The following KIAA0319L variants were observed in gnomAD, a reference collection of about 807,000 sequenced individuals.
KIAA0319L encodes KIAA0319 like, also known as dyslexia-associated protein KIAA0319-like protein.
KIAA0319L carries 55 observed loss-of-function variants against 120.1 expected under a neutral mutation model. That is an observed-to-expected ratio of 0.46 (90% CI 0.37 to 0.57). KIAA0319L has a LOEUF of 0.57. Ranked by LOEUF, KIAA0319L falls within the 20% of genes least tolerant of loss-of-function variation. The pLI is 0.00. For missense variants in KIAA0319L, 1,049 were observed against 1,255.3 expected (o/e 0.84, Z 2.48); for synonymous variants, 398 against 471.9 (o/e 0.84, Z 2.03).
intron 3 of KIAA0319L, among the ~76,000 whole-genome samples, chr1:35,485,604 C>G (rs1644358277): frequency 6.6e-6 from 1 of 152,168 alleles, no homozygotes; most frequent in Non-Finnish European, 1.5e-5. Flanking sequence ...CTCTTATTTT[C>G]AAGATCTTCC....
chr1:35,487,892 T>C (rs1391972025), intron 3 of KIAA0319L, among the ~76,000 whole-genome samples: 2 of 152,186 alleles, frequency 1.3e-5, no homozygotes, highest in Admixed American at 6.5e-5. Flanking sequence ...CATGCAGGTG[T>C]AGTTTAGAGG....
intron 2 of KIAA0319L, among the ~76,000 whole-genome samples, chr1:35,524,486 T>C (rs1449660873): frequency 6.6e-6 from 1 of 152,198 alleles, no homozygotes; most frequent in Non-Finnish European, 1.5e-5. Context: ...GTGAACATGT[T>C]CAATGAGGGA....
intron 1 of KIAA0319L, chr1:35,554,923 CT>C (rs760598517): frequency 1.9e-5 from 3 of 154,156 alleles, no homozygotes; most frequent in Non-Finnish European, 2.9e-5. Flanking sequence ...AGGTTGCACC[CT>C]CAGAGGTAAA....
chr1:35,474,163 C>G (rs1217759593), intron 5 of KIAA0319L, among the ~76,000 whole-genome samples: 2 of 152,028 alleles, frequency 1.3e-5, no homozygotes, highest in Admixed American at 1.3e-4. Context: ...TAGGATATAA[C>G]CCGGGTATGC....
chr1:35,448,919 A>G lies in KIAA0319L; in HGVS notation c.2354-587T>C, dbSNP rs936758796. ...AGCTGCACTATCTTTGTATAACTCT[A>G]AAACGGTGAGGCTATCATGTTTTAC... On this transcript the variant is annotated intron_variant, in intron 15 of 20. Transcript: ENST00000325722. 5.3e-5 allele frequency among the ~76,000 whole-genome samples: 8 copies of G among 152,250 alleles called. No individual in the cohort carries two copies. In the East Asian group the frequency reaches 1.5e-3, roughly 29 times the overall value.
At chr1:35,473,306 C>T (rs1380862952) in intron 5 of KIAA0319L, among the ~76,000 whole-genome samples, 1 of 151,734 alleles carries the variant, frequency 6.6e-6, no homozygotes, top group Admixed American at 6.6e-5. Context: ...CCACGTTGGC[C>T]AGGCTGGTCT....
At chr1:35,450,137 A>C (rs965617140) in intron 14 of KIAA0319L, 132 bp from the exon 15 acceptor site, 4 of 1,152,824 alleles carry the variant, frequency 3.5e-6, no homozygotes, top group African/African-American at 1.5e-5. Flanking sequence ...CCTGATACGG[A>C]ACAGCATTGC....
chr1:35,514,451 A>G lies in KIAA0319L; in HGVS notation c.143-7316T>C, dbSNP rs146198287. Among the ~76,000 whole-genome samples, 82 of 152,112 alleles carry G rather than the reference A, an allele frequency of 5.4e-4. 1 individual carries two copies. The East Asian group carries it at 0.015, about 28-fold the overall frequency. On this transcript the variant is annotated intron_variant, in intron 2 of 20. Transcript: ENST00000325722. ...GCAACCTGGATAAAAAACAAGACCC[A>G]ATGGCATTCTGTCTTCTCACTTCTC...
chr1:35,468,863 C>T (rs2149121117), intron 6 of KIAA0319L, among the ~76,000 whole-genome samples: 1 of 152,300 alleles, frequency 6.6e-6, no homozygotes, highest in Middle Eastern at 3.4e-3. Context: ...CATTTAATAC[C>T]TTTGTGAACT....
Position 35,451,754 on chromosome 1 carries a change from C to T in KIAA0319L, c.1936G>A (p.Glu646Lys), listed in dbSNP as rs748599916. 2.4e-5 allele frequency: 39 copies of T among 1,614,006 alleles called. No individual in the cohort carries two copies. Among genetic ancestry groups the T allele is most frequent in the South Asian group, 2.3e-4 (21 of 91,088 alleles). Reference sequence around the variant, plus strand: ...GTAGCAACACTGCTGTTAGCATTCTCGAGCTGCACCCCATCAGGTCCCCTG... The same window carrying T: ...GTAGCAACACTGCTGTTAGCATTCTTGAGCTGCACCCCATCAGGTCCCCTG... ...KTQGPDGVQL[E>K]NANSSVATVT... Residue 646 changes from glutamate (E) to lysine (K), a missense_variant, in exon 13 of 21, where the codon GAG becomes AAG. Transcript: ENST00000325722.
intron 3 of KIAA0319L, among the ~76,000 whole-genome samples, chr1:35,486,379 A>G (rs1446445757): frequency 8.2e-6 from 1 of 121,894 alleles, no homozygotes; most frequent in African/African-American, 3.7e-5. Context: ...GTCTCAAGAA[A>G]AAAAAAAAAA....
At position 35,455,497 on chromosome 1, in the gene KIAA0319L, T is replaced by C. The variant is rs114196342; in HGVS notation, c.1656+516A>G. Among the ~76,000 whole-genome samples the C allele has an allele frequency of 8.4e-3, 1,283 of 152,136 alleles. 22 individuals are homozygous for C. Among genetic ancestry groups the C allele is most frequent in the African/African-American group, 0.029 (1,224 of 41,498 alleles). On this transcript the variant is annotated intron_variant, in intron 10 of 20. Coordinates refer to ENST00000325722, the MANE Select transcript of KIAA0319L (RefSeq NM_024874.5). ...GATTTGCACCCTTGTAGCTTCTAAATAGTTTGACTCTCTGGAGTCATCCAG... is the reference window on the plus strand; with the variant it reads ...GATTTGCACCCTTGTAGCTTCTAAACAGTTTGACTCTCTGGAGTCATCCAG...
chr1:35,536,022 T>C (rs1646560856), intron 2 of KIAA0319L, among the ~76,000 whole-genome samples: 1 of 152,220 alleles, frequency 6.6e-6, no homozygotes, highest in African/African-American at 2.4e-5. Flanking sequence ...AGCTCCAATA[T>C]GGAATATCTT....
intron 8 of KIAA0319L, among the ~76,000 whole-genome samples, chr1:35,461,509 A>C (rs926197376): frequency 1.8e-4 from 28 of 152,340 alleles, no homozygotes; most frequent in African/African-American, 6.3e-4. Flanking sequence ...AACAAGCATC[A>C]CACATAACAG....
chr1:35,507,006 T>G lies in KIAA0319L; in HGVS notation c.272A>C (p.Gln91Pro), dbSNP rs1645231628. The G allele has an allele frequency of 6.2e-7, 1 of 1,612,936 alleles. No homozygotes were observed. The highest frequency in any genetic ancestry group is 1.3e-5 in the African/African-American group (1 of 74,930). The change falls in exon 3 of 21, where the codon CAG (glutamine) becomes CCG (proline). Residue 91 changes from glutamine to proline, a missense_variant. Gln to Pro is a moderately conservative substitution (Grantham distance 76, BLOSUM62 -1). Coordinates refer to ENST00000325722, the MANE Select transcript of KIAA0319L (RefSeq NM_024874.5). ...CCAAAAGACATGGCAGGCAGAGTCC[T>G]GGCAGCAGGCAGCCCAACATGACTG... Reference protein sequence around the residue: ...SLQSCWAACCQDSACHVFWWL... With the variant: ...SLQSCWAACCPDSACHVFWWL...
intron 2 of KIAA0319L, among the ~76,000 whole-genome samples, chr1:35,525,368 A>G (rs996656397): frequency 3.3e-5 from 5 of 152,212 alleles, no homozygotes; most frequent in Non-Finnish European, 5.9e-5. Context: ...AATACCCAGT[A>G]GTGGGACTGC....
At chr1:35,501,213 T>C (rs1195630128) in intron 3 of KIAA0319L, among the ~76,000 whole-genome samples, 1 of 152,214 alleles carries the variant, frequency 6.6e-6, no homozygotes, top group African/African-American at 2.4e-5. Flanking sequence ...AGGATCTTCC[T>C]TCCAGCATAC....
At chr1:35,450,283 T>A in intron 14 of KIAA0319L, 75 bp downstream of exon 14, 1 of 1,453,990 alleles carries the variant, frequency 6.9e-7, no homozygotes, top group Non-Finnish European at 9.4e-7. Flanking sequence ...ACCACTTGAT[T>A]AAAGCATATA....
At chr1:35,531,514 G>A (rs955642890) in intron 2 of KIAA0319L, among the ~76,000 whole-genome samples, 7 of 152,194 alleles carry the variant, frequency 4.6e-5, no homozygotes, top group African/African-American at 7.2e-5. Flanking sequence ...TGGGGGATGC[G>A]TGGGACTCAG....
Sources: gnomAD v4.1 joint callset for allele counts (sites outside exome capture counted in the v4.1 genomes callset) on GRCh38, gnomAD v4.1.1 for gene constraint, MANE v1.5 for transcripts, NCBI Gene and HGNC (gene_info 2026-07-23, HGNC 2026-07-21) for gene names.